Variants in PEBP4 observed in about 807,000 individuals in gnomAD.
The protein encoded by PEBP4 is phosphatidylethanolamine-binding protein 4.
PEBP4 carries 22 observed loss-of-function variants against 23.9 expected under a neutral mutation model. The observed-to-expected ratio is 0.92, with a 90% confidence interval of 0.66 to 1.31. PEBP4 has a LOEUF of 1.31. PEBP4 is among the 40% of genes most tolerant of loss of function. PEBP4 has a pLI of 0.00. For missense variants in PEBP4, 324 were observed against 281.7 expected (o/e 1.15, Z -1.07); for synonymous variants, 112 against 99.3 (o/e 1.13, Z -0.76).
intron 4 of PEBP4, among the ~76,000 whole-genome samples, chr8:22,772,527 G>A (rs546825369): frequency 5.0e-5 from 6 of 118,846 alleles, no homozygotes; most frequent in African/African-American, 1.9e-4. Flanking sequence ...ACAGGGTCTT[G>A]CTCTGTCATC....
chr8:22,827,782 A>C (rs1360060309), intron 3 of PEBP4, among the ~76,000 whole-genome samples: 2 of 152,220 alleles, frequency 1.3e-5, no homozygotes, highest in Non-Finnish European at 2.9e-5. Flanking sequence ...TTGTAAATTT[A>C]TGTTTAACAT....
chr8:22,760,461 T>C (rs776273629), intron 4 of PEBP4, among the ~76,000 whole-genome samples: 5 of 152,090 alleles, frequency 3.3e-5, no homozygotes, highest in African/African-American at 4.8e-5. Context: ...ACAATGCATA[T>C]AGTAGGTGCT....
At chr8:22,830,306 G>T (rs564401578) in intron 3 of PEBP4, among the ~76,000 whole-genome samples, 18 of 152,054 alleles carry the variant, frequency 1.2e-4, no homozygotes, top group African/African-American at 4.3e-4. Context: ...ATTTTTGTGT[G>T]TGTGTGTGTG....
chr8:22,724,867 GGAGA>G lies in PEBP4; in HGVS notation c.489_492del (p.Leu164PhefsTer17). On this transcript the variant is annotated frameshift_variant, in exon 6 of 7. Transcript: ENST00000256404. LOFTEE classifies it low-confidence loss of function (END_TRUNC). ...CCTCGAGTTTTGTTTTCCTTGGGAAGGAGAGAGATGACTTTTCCTTCCTGAAGAT... is the reference window on the plus strand; with the variant it reads ...CCTCGAGTTTTGTTTTCCTTGGGAAGGAGATGACTTTTCCTTCCTGAAGAT... The G allele has an allele frequency of 1.9e-6, 3 of 1,613,956 alleles. No homozygotes were observed. Among genetic ancestry groups the G allele is most frequent in the Non-Finnish European group, 2.5e-6 (3 of 1,179,828 alleles).
intron 4 of PEBP4, among the ~76,000 whole-genome samples, chr8:22,766,098 A>G (rs963246332): frequency 7.2e-5 from 11 of 152,188 alleles, no homozygotes; most frequent in Non-Finnish European, 2.9e-5. Flanking sequence ...GGACTCCCTA[A>G]ACACTTCCTC....
intron 3 of PEBP4, among the ~76,000 whole-genome samples, chr8:22,898,814 T>A (rs906930577): frequency 6.6e-6 from 1 of 152,050 alleles, no homozygotes; most frequent in Non-Finnish European, 1.5e-5. Flanking sequence ...TGCGGGATGA[T>A]AAAGGGGTGA....
intron 1 of PEBP4, among the ~76,000 whole-genome samples, chr8:22,939,325 C>T (rs967066450): frequency 6.6e-6 from 1 of 152,096 alleles, no homozygotes. Flanking sequence ...TTTGCCCTTA[C>T]ACCTGCCTTG....
upstream of PEBP4, among the ~76,000 whole-genome samples, chr8:22,928,510 T>C (rs1232867762): frequency 6.6e-6 from 1 of 152,230 alleles, no homozygotes; most frequent in East Asian, 1.9e-4. Context: ...GCCCCAGCAG[T>C]GCACTGGGAG....
intron 1 of PEBP4, among the ~76,000 whole-genome samples, chr8:22,939,007 T>G (rs1401790394): frequency 6.6e-6 from 1 of 152,238 alleles, no homozygotes; most frequent in Non-Finnish European, 1.5e-5. Flanking sequence ...TGGGCCATCT[T>G]TTGTTATCAA....
intron 4 of PEBP4, among the ~76,000 whole-genome samples, chr8:22,816,796 G>A (rs1224332383): frequency 1.3e-5 from 2 of 152,182 alleles, no homozygotes; most frequent in South Asian, 2.1e-4. Context: ...GCACAGATTC[G>A]TGACTGTTTG....
chr8:22,915,076 A>G lies in PEBP4; in HGVS notation c.258+5108T>C, dbSNP rs1042809536. On this transcript the variant is annotated intron_variant, in intron 3 of 6. Coordinates refer to ENST00000256404, the MANE Select transcript of PEBP4 (RefSeq NM_144962.3). Reference sequence around the variant, plus strand: ...GTCATCTGGACTCTCCCTCTCCCCAATATCCCCACAGCCCCCAAGCTCTAT... The same window carrying G: ...GTCATCTGGACTCTCCCTCTCCCCAGTATCCCCACAGCCCCCAAGCTCTAT... Among the ~76,000 whole-genome samples, 5 of 151,698 alleles carry G rather than the reference A, an allele frequency of 3.3e-5. No individual in the cohort carries two copies. In the East Asian group the frequency reaches 7.7e-4, roughly 24 times the overall value.
At chr8:22,879,704 G>A (rs1223072308) in intron 3 of PEBP4, among the ~76,000 whole-genome samples, 1 of 152,188 alleles carries the variant, frequency 6.6e-6, no homozygotes, top group African/African-American at 2.4e-5. Context: ...ACCGGGGGAG[G>A]TGTGATTTCA....
At chr8:22,785,871 G>A (rs559712870) in intron 4 of PEBP4, among the ~76,000 whole-genome samples, 19 of 152,288 alleles carry the variant, frequency 1.2e-4, no homozygotes, top group South Asian at 1.0e-3. Flanking sequence ...GAGACAACGG[G>A]GCTACTCTAA....
chr8:22,921,994 C>T (rs1809212152), intron 2 of PEBP4, among the ~76,000 whole-genome samples: 1 of 152,216 alleles, frequency 6.6e-6, no homozygotes, highest in Non-Finnish European at 1.5e-5. Flanking sequence ...TAACCCCTCT[C>T]CCCTTTTTAT....
At chr8:22,731,825 ATTT>A (rs572580381) in intron 4 of PEBP4, among the ~76,000 whole-genome samples, 20,523 of 141,358 alleles carry the variant, frequency 0.15, 1,839 homozygotes, top group Middle Eastern at 0.22. Context: ...CGCCCGGCTA[ATTT>A]TTTTTTTTTT....
chr8:22,840,111 A>T (rs931761757), intron 3 of PEBP4, among the ~76,000 whole-genome samples: 2 of 152,230 alleles, frequency 1.3e-5, no homozygotes, highest in Admixed American at 6.5e-5. Flanking sequence ...AGAAGATTTT[A>T]TAAAATTCCA....
Position 22,730,174 on chromosome 8 carries a change from A to C in PEBP4, c.358-2954T>G, listed in dbSNP as rs186525729. On this transcript the variant is annotated intron_variant, in intron 4 of 6. Transcript: ENST00000256404. ...CAAAGACCATGATTAAAATACGGAG[A>C]TATTATCTGGAGGGCTGGAGCTGCG... Among the ~76,000 whole-genome samples, 818 of 152,242 alleles carry C rather than the reference A, an allele frequency of 5.4e-3. 10 individuals carry two copies. The highest frequency in any genetic ancestry group is 0.019 in the African/African-American group (773 of 41,532).
At chr8:22,864,025 A>G (rs10101628) in intron 3 of PEBP4, among the ~76,000 whole-genome samples, 4,251 of 152,246 alleles carry the variant, frequency 0.028, 110 homozygotes, top group African/African-American at 0.063. Context: ...AGAATGATCT[A>G]CTTAAAACTC....
intron 3 of PEBP4, among the ~76,000 whole-genome samples, chr8:22,894,203 A>G (rs1471275659): frequency 6.6e-6 from 1 of 152,194 alleles, no homozygotes; most frequent in Non-Finnish European, 1.5e-5. Flanking sequence ...GATGAATATA[A>G]AGATGTTGGA....
Sources: gnomAD v4.1 joint callset for allele counts (sites outside exome capture counted in the v4.1 genomes callset) on GRCh38, gnomAD v4.1.1 for gene constraint, MANE v1.5 for transcripts, NCBI Gene and HGNC (gene_info 2026-07-23, HGNC 2026-07-21) for gene names.